The following CDC42BPG variants were observed in gnomAD, a reference collection of about 807,000 sequenced individuals.
CDC42BPG encodes the protein serine/threonine-protein kinase MRCK gamma.
Under a neutral mutation model 192.2 loss-of-function variants are expected in CDC42BPG, and 157 were observed. The observed-to-expected ratio is 0.82, with a 90% CI of 0.72 to 0.93. CDC42BPG has a LOEUF of 0.93. Ranked by LOEUF, CDC42BPG falls within the 40% of genes least tolerant of loss-of-function variation. The pLI, the probability that CDC42BPG is intolerant of heterozygous loss-of-function variation, is 0.00. For synonymous variants in CDC42BPG, 981 were observed against 918.5 expected, an observed-to-expected ratio of 1.07 and a Z score of -1.23; for missense variants, 1,992 against 2,122.1, an observed-to-expected ratio of 0.94 and a Z score of 1.20.
In CDC42BPG at chr11:64,834,060, G is replaced by A. The variant is rs189842130; in HGVS notation, c.2414-83C>T. 8.7e-5 allele frequency: 137 copies of A among 1,576,642 alleles called. No homozygotes were observed. The East Asian group carries it at 2.1e-3, about 25-fold the overall frequency. ...AGGAGGGGCCTCAGTTCCCACCTCA[G>A]TAAAATGGGAAATGACCACAGGGTG... On this transcript the variant is annotated intron_variant, in intron 20 of 36. Transcript: ENST00000342711.
At position 64,834,208 on chromosome 11, in the gene CDC42BPG, G is replaced by A; in HGVS notation, c.2413+58C>T. The A allele has an allele frequency of 2.7e-6, 4 of 1,499,944 alleles. No homozygotes were observed. In the South Asian group the frequency reaches 3.7e-5, roughly 14 times the overall value. The allele number at this position is 1,499,944 out of a possible 1,614,324, so 92.9% of individuals were successfully genotyped here. On this transcript the variant is annotated intron_variant, in intron 20 of 36. Transcript: ENST00000342711. ...GCCAGGCCATCGTGGAGCCCCCTTG[G>A]CAAGTGGGAGGCCGCGGGGGAGCCT...
rs1370986293 is a variant in CDC42BPG, at chr11:64,831,722, C to G, written c.3088-1G>C. ...GCACTGCCAGCTGGGAGGTTGTCAC[C>G]TGTGGGCAAGGACCCCAGCTGGAGG... On this transcript the variant is annotated splice_acceptor_variant, in intron 27 of 36. Coordinates refer to ENST00000342711, the MANE Select transcript of CDC42BPG (RefSeq NM_017525.3). LOFTEE classifies it high-confidence loss of function. 6.3e-7 allele frequency: 1 copy of G among 1,589,444 alleles called. No homozygotes were observed. The highest frequency in any genetic ancestry group is 1.7e-4 in the Middle Eastern group (1 of 5,928).
In CDC42BPG at chr11:64,836,972, T is replaced by G; in HGVS notation, c.1253A>C (p.Lys418Thr). The G allele has an allele frequency of 6.2e-7, 1 of 1,613,458 alleles. No homozygotes were observed. The highest frequency in any genetic ancestry group is 1.1e-5 in the South Asian group (1 of 91,084). Residue 418 changes from lysine (K) to threonine (T), a missense_variant, in exon 10 of 37, where the codon AAG (lysine) becomes ACG (threonine). Transcript: ENST00000342711. ...CTTCTCCTGCTCCAGACACTGGAGC[T>G]TCCGCTCCAGGGCAGCCCAAGCCTC... Reference protein sequence around the residue: ...SSEAWAALERKLQCLEQEKVE... With the variant: ...SSEAWAALERTLQCLEQEKVE...
At chr11:64,836,372 A>ACCCAC in intron 12 of CDC42BPG, 55 bp downstream of exon 12, 1 of 1,509,988 alleles carries the variant, frequency 6.6e-7, no homozygotes, top group South Asian at 1.1e-5. Flanking sequence ...GCCCAGGGCC[A>ACCCAC]CTCACCCACC....
At chr11:64,837,162 G>C in intron 9 of CDC42BPG, 143 bp from the exon 10 acceptor site, 1 of 707,216 alleles carries the variant, frequency 1.4e-6, no homozygotes, top group Non-Finnish European at 2.5e-6. Context: ...GGTGCCACGG[G>C]TGGCAGCCCG....
At chr11:64,839,692 G>A (rs1420673651) in intron 5 of CDC42BPG, 121 bp from the exon 6 acceptor site, 5 of 759,960 alleles carry the variant, frequency 6.6e-6, no homozygotes, top group African/African-American at 3.5e-5. Context: ...ATTCCTGTGT[G>A]TAGGTGCTCA....
At chr11:64,827,473 A>G in intron 32 of CDC42BPG, 54 bp downstream of exon 32, 1 of 1,604,048 alleles carries the variant, frequency 6.2e-7, no homozygotes, top group South Asian at 1.1e-5. Context: ...AGGGCCACAC[A>G]GCCACACGTG....
At chr11:64,841,288 A>C (rs921481151) in intron 3 of CDC42BPG, among the ~76,000 whole-genome samples, 1 of 150,872 alleles carries the variant, frequency 6.6e-6, no homozygotes, top group African/African-American at 2.4e-5. Flanking sequence ...CCTCATCTCT[A>C]CTAAAAATAC....
intron 1 of CDC42BPG, 143 bp downstream of exon 1, chr11:64,844,267 G>A (rs1943406859): frequency 2.7e-6 from 2 of 744,390 alleles, no homozygotes; most frequent in African/African-American, 3.7e-5. Flanking sequence ...GCGGGGGTCC[G>A]GTGGTACGCG....
At position 64,827,556 on chromosome 11, in the gene CDC42BPG, C is replaced by G. The variant is rs756030003; in HGVS notation, c.4121G>C (p.Arg1374Pro). The G allele has an allele frequency of 1.2e-6, 2 of 1,612,628 alleles. No homozygotes were observed. The highest frequency in any genetic ancestry group is 1.7e-5 in the Admixed American group (1 of 59,944). ...CAGCTGGTTCCTGAGGTAGGTCAGG[C>G]GGACCTTCTCGGTGCCGTAGAGGAA... ...SLFLYGTEKVRLTYLRNQLAE... is the reference protein window; with the variant it reads ...SLFLYGTEKVPLTYLRNQLAE... Residue 1374 changes from arginine (R) to proline (P), a missense_variant, in exon 32 of 37, where the codon CGC (arginine) becomes CCC (proline). By Grantham distance (103) the Arg-to-Pro change is moderately radical (BLOSUM62 -2). This residue lies in a region of CDC42BPG where 336 missense variants were observed against 277.9 expected (regional missense o/e 1.21). Coordinates refer to ENST00000342711, the MANE Select transcript of CDC42BPG (RefSeq NM_017525.3).
At chr11:64,836,081 GC>G in intron 13 of CDC42BPG, 35 bp downstream of exon 13, 1 of 1,555,366 alleles carries the variant, frequency 6.4e-7, no homozygotes, top group South Asian at 1.2e-5. Context: ...TGGGGGCAGG[GC>G]CCAGGTGCTG....
Position 64,836,712 on chromosome 11 carries a change from G to GGC in CDC42BPG, c.1384+26_1384+27insGC, listed in dbSNP as rs1555173147. On this transcript the variant is annotated intron_variant, in intron 11 of 36. Transcript: ENST00000342711. ...CCCAGGTGGGACTCAGCCCTGGGGG[G>GGC]GGGGGGGGGGTGGGCGGAAGGGATA... is the stretch of plus-strand genomic sequence containing the variant. The GGC allele has an allele frequency of 1.6e-5, 13 of 797,316 alleles. 1 individual carries two copies. The highest frequency in any genetic ancestry group is 1.4e-4 in the East Asian group (4 of 28,332). The allele number at this position is 797,316 out of a possible 1,614,324, so 49.4% of individuals were successfully genotyped here.
chr11:64,840,209 C>G lies in CDC42BPG; in HGVS notation c.492G>C (p.Glu164Asp). The G allele has an allele frequency of 6.2e-7, 1 of 1,613,220 alleles. No individual in the cohort carries two copies. The highest frequency in any genetic ancestry group is 8.5e-7 in the Non-Finnish European group (1 of 1,180,006). ...GGGCCAGCTCGGGCGGGAGACGGTCCTCGAAGCGGCTCAGCAGCGTCAGGA... is the reference window on the plus strand; with the variant it reads ...GGGCCAGCTCGGGCGGGAGACGGTCGTCGAAGCGGCTCAGCAGCGTCAGGA... ...GDLLTLLSRF[E>D]DRLPPELAQF... The change falls in exon 5 of 37, where the codon GAG becomes GAC. Residue 164 changes from glutamate (E) to aspartate (D), a missense_variant. Glu to Asp is a conservative substitution (Grantham distance 45). This residue lies in a region of CDC42BPG where 1,656 missense variants were observed against 1,844.3 expected (regional missense o/e 0.90). Coordinates refer to ENST00000342711, the MANE Select transcript of CDC42BPG (RefSeq NM_017525.3).
chr11:64,834,469 G>A lies in CDC42BPG; in HGVS notation c.2284C>T (p.Arg762Trp), dbSNP rs764957354. ...EIRAKQGLQE[R>W]LTQVQEAQLQ... ...TGGGCCTCCTGCACCTGTGTCAGCC[G>A]CTCCTGCAGGCCCTGCTTGGCGCGG... Residue 762 changes from arginine (R) to tryptophan (W), a missense_variant, in exon 19 of 37, where the codon CGG becomes TGG. By Grantham distance (101) the Arg-to-Trp change is moderately radical (BLOSUM62 -3). Coordinates refer to ENST00000342711, the MANE Select transcript of CDC42BPG (RefSeq NM_017525.3). 48 of 1,567,702 alleles carry A rather than the reference G, an allele frequency of 3.1e-5. No individual in the cohort carries two copies. Among genetic ancestry groups the A allele is most frequent in the Non-Finnish European group, 4.1e-5 (48 of 1,157,132 alleles).
At position 64,827,530 on chromosome 11, in the gene CDC42BPG, C is replaced by A. The variant is rs773978269; in HGVS notation, c.4147G>T (p.Ala1383Ser). ...CCGTACACACGCACTCCCTCACCTG[C>A]CAGCTGGTTCCTGAGGTAGGTCAGG... ...VRLTYLRNQL[A>S]EKDEFDIPDL... Residue 1383 changes from alanine to serine, a missense_variant, in exon 32 of 37, where the codon GCA (alanine) becomes TCA (serine). Ala to Ser is a moderately conservative substitution (Grantham distance 99). Around this residue, in one of 2 missense-constraint regions of CDC42BPG, gnomAD observed 336 missense variants for 277.9 expected, o/e 1.21. Coordinates refer to ENST00000342711, the MANE Select transcript of CDC42BPG (RefSeq NM_017525.3). 6.2e-7 allele frequency: 1 copy of A among 1,611,996 alleles called. No homozygotes were observed. The highest frequency in any genetic ancestry group is 8.5e-7 in the Non-Finnish European group (1 of 1,178,508).
chr11:64,838,343 T>C (rs1305500468), intron 8 of CDC42BPG, among the ~76,000 whole-genome samples, 181 bp from the exon 9 acceptor site: 3 of 152,114 alleles, frequency 2.0e-5, no homozygotes, highest in East Asian at 1.9e-4. Flanking sequence ...TGCTGGGAGT[T>C]TTCTTCCTTA....
intron 1 of CDC42BPG, among the ~76,000 whole-genome samples, chr11:64,843,092 C>G (rs1013579713): frequency 4.6e-5 from 7 of 152,128 alleles, no homozygotes; most frequent in Admixed American, 1.3e-4. Flanking sequence ...AGCCCAGGCC[C>G]ACAGGCAGGA....
chr11:64,826,699 G>C lies in CDC42BPG; in HGVS notation c.4485C>G (p.Ser1495Arg), dbSNP rs765223133. Residue 1495 changes from serine to arginine, a missense_variant, in exon 35 of 37, where the codon AGC (serine) becomes AGG (arginine). Transcript: ENST00000342711. ...EALRRPASMG[S>R]EGLGGDADPM... ...GGTCTGCGTCTCCACCGAGGCCTTC[G>C]CTGCCCATGGAGGCTGGGCGCCGCA... 4.5e-6 allele frequency: 7 copies of C among 1,555,636 alleles called. No homozygotes were observed. Among genetic ancestry groups the C allele is most frequent in the Non-Finnish European group, 1.7e-6 (2 of 1,150,998 alleles).
chr11:64,827,521 C>A lies in CDC42BPG; in HGVS notation c.4150+6G>T, dbSNP rs1565669912. The A allele has an allele frequency of 1.2e-6, 2 of 1,611,902 alleles. No homozygotes were observed. The highest frequency in any genetic ancestry group is 1.7e-6 in the Non-Finnish European group (2 of 1,178,472). On this transcript the variant is annotated splice_donor_region_variant and intron_variant, in intron 32 of 36. Coordinates refer to ENST00000342711, the MANE Select transcript of CDC42BPG (RefSeq NM_017525.3). Reference sequence around the variant, plus strand: ...CGCACACACCCGTACACACGCACTCCCTCACCTGCCAGCTGGTTCCTGAGG... The same window carrying A: ...CGCACACACCCGTACACACGCACTCACTCACCTGCCAGCTGGTTCCTGAGG...
Sources: allele counts gnomAD v4.1 joint callset (sites outside exome capture counted in the v4.1 genomes callset), GRCh38; gene constraint gnomAD v4.1.1; regional missense constraint gnomAD v4.1.1; transcripts MANE v1.5; gene names NCBI Gene and HGNC (gene_info 2026-07-23, HGNC 2026-07-21).